Variants in FSTL4 observed in about 807,000 individuals in gnomAD.
The protein encoded by FSTL4 is follistatin-related protein 4.
FSTL4 carries 28 observed loss-of-function variants against 78.2 expected under a neutral mutation model. The ratio of observed to expected loss-of-function variants is 0.36; its 90% confidence interval spans 0.27 to 0.49. The LOEUF is 0.49. FSTL4 is among the 20% of genes least tolerant of loss of function. The pLI is 0.98. For missense variants in FSTL4, 922 were observed against 1,084.9 expected, an observed-to-expected ratio of 0.85 and a Z score of 2.11; for synonymous variants, 422 against 440.5, an observed-to-expected ratio of 0.96 and a Z score of 0.53.
the FSTL4 span, among the ~76,000 whole-genome samples, chr5:133,619,774 C>CT: frequency 3.7e-4 from 57 of 152,206 alleles, no homozygotes; most frequent in African/African-American, 1.4e-3. Flanking sequence ...TCAGCATTGC[C>CT]TAGCCATATG....
the FSTL4 span, among the ~76,000 whole-genome samples, chr5:133,696,857 T>C: frequency 6.6e-6 from 1 of 151,428 alleles, no homozygotes; most frequent in Admixed American, 6.6e-5. Flanking sequence ...AATTATGCTG[T>C]GAAATCATCA....
intron 2 of FSTL4, among the ~76,000 whole-genome samples, chr5:133,586,201 C>A (rs1377563642): frequency 1.1e-5 from 1 of 94,270 alleles, no homozygotes; most frequent in Non-Finnish European, 2.2e-5. Flanking sequence ...AAATTGACAC[C>A]CTAACATCAC....
chr5:133,242,997 C>A (rs1042416712), intron 7 of FSTL4, among the ~76,000 whole-genome samples: 1 of 152,186 alleles, frequency 6.6e-6, no homozygotes, highest in African/African-American at 2.4e-5. Flanking sequence ...GCTCCTAAAT[C>A]ATTTTCTTTT....
chr5:133,202,136 A>C (rs1487784879), intron 14 of FSTL4, 94 bp from the exon 15 acceptor site: 2 of 733,274 alleles, frequency 2.7e-6, no homozygotes, highest in African/African-American at 3.5e-5. Context: ...ACCCCGGCAG[A>C]GGGGTGCTTG....
intron 6 of FSTL4, among the ~76,000 whole-genome samples, chr5:133,272,242 C>T (rs1339133722): frequency 4.6e-5 from 7 of 152,218 alleles, no homozygotes; most frequent in Admixed American, 6.5e-5. Flanking sequence ...ATTAATGACA[C>T]GGCCATTTCT....
chr5:133,506,138 T>C (rs955136983), intron 3 of FSTL4, among the ~76,000 whole-genome samples: 2 of 152,214 alleles, frequency 1.3e-5, no homozygotes, highest in Non-Finnish European at 2.9e-5. Context: ...AAAATGCTGG[T>C]AATTGTTTTG....
intron 8 of FSTL4, among the ~76,000 whole-genome samples, chr5:133,231,974 C>G (rs1288598619): frequency 6.6e-6 from 1 of 152,146 alleles, no homozygotes; most frequent in Non-Finnish European, 1.5e-5. Context: ...GGCACAGTCA[C>G]GAAAGTAGCA....
the FSTL4 span, among the ~76,000 whole-genome samples, chr5:133,800,729 C>T: frequency 6.5e-5 from 6 of 91,850 alleles, 1 homozygote; most frequent in African/African-American, 1.5e-4. Context: ...CCAATTTACT[C>T]GAATGCTTCA....
At chr5:133,618,197 A>T in the FSTL4 span, among the ~76,000 whole-genome samples, 1 of 152,230 alleles carries the variant, frequency 6.6e-6, no homozygotes, top group Admixed American at 6.5e-5. Context: ...ACAATATATT[A>T]TAATAAAAGT....
chr5:133,839,262 A>G, the FSTL4 span, among the ~76,000 whole-genome samples: 1 of 152,174 alleles, frequency 6.6e-6, no homozygotes, highest in African/African-American at 2.4e-5. Flanking sequence ...CTAGAAGCCC[A>G]ATAAAGAAAA....
In FSTL4 at chr5:133,275,245, C is replaced by T. The variant is rs188417172; in HGVS notation, c.728-25669G>A. ...CACCACTGTACTCCAGCCTCGGTGA[C>T]GGAGGGAAACTCTGTTATGAAGTTC... is the stretch of plus-strand genomic sequence containing the variant. On this transcript the variant is annotated intron_variant, in intron 6 of 15. Coordinates refer to ENST00000265342, the MANE Select transcript of FSTL4 (RefSeq NM_015082.2). Among the ~76,000 whole-genome samples the T allele has an allele frequency of 1.1e-4, 17 of 149,364 alleles. No homozygotes were observed. The South Asian group carries it at 2.1e-3, about 19-fold the overall frequency.
chr5:133,696,995 T>C, the FSTL4 span, among the ~76,000 whole-genome samples: 1 of 152,286 alleles, frequency 6.6e-6, no homozygotes, highest in East Asian at 1.9e-4. Flanking sequence ...GACCAGACAA[T>C]GCAGCTACCT....
the FSTL4 span, among the ~76,000 whole-genome samples, chr5:133,656,883 A>G: frequency 2.6e-5 from 4 of 152,190 alleles, no homozygotes; most frequent in South Asian, 4.1e-4. Flanking sequence ...TAGGTGACGG[A>G]TACGTTGACT....
intron 7 of FSTL4, among the ~76,000 whole-genome samples, chr5:133,241,752 T>C (rs1751880086): frequency 1.3e-5 from 2 of 152,164 alleles, no homozygotes; most frequent in African/African-American, 4.8e-5. Flanking sequence ...ACCTGCTGCT[T>C]TCCTTTGGGA....
At chr5:133,796,157 G>T in the FSTL4 span, among the ~76,000 whole-genome samples, 1 of 152,214 alleles carries the variant, frequency 6.6e-6, no homozygotes, top group Non-Finnish European at 1.5e-5. Flanking sequence ...TACTGGAATG[G>T]GAGAGTTCCC....
At chr5:133,602,474 C>T (rs963321387) in intron 2 of FSTL4, among the ~76,000 whole-genome samples, 4 of 152,132 alleles carry the variant, frequency 2.6e-5, no homozygotes, top group Non-Finnish European at 5.9e-5. Context: ...AACAGTGGGC[C>T]GATGAGCCCC....
chr5:133,649,729 A>G, the FSTL4 span, among the ~76,000 whole-genome samples: 1 of 152,014 alleles, frequency 6.6e-6, no homozygotes, highest in African/African-American at 2.4e-5. Context: ...TGAGTTTTTA[A>G]GAGTTCTTTG....
chr5:133,391,187 G>A (rs1755839681), intron 4 of FSTL4, among the ~76,000 whole-genome samples: 1 of 152,192 alleles, frequency 6.6e-6, no homozygotes, highest in Non-Finnish European at 1.5e-5. Flanking sequence ...CAAACTGCTT[G>A]AGCACAGAGA....
the FSTL4 span, among the ~76,000 whole-genome samples, chr5:133,776,293 T>C: frequency 1.3e-5 from 2 of 152,232 alleles, no homozygotes; most frequent in Admixed American, 6.5e-5. Flanking sequence ...AAGCTGCCTT[T>C]ATGCCAAATC....
Sources: gnomAD v4.1 joint callset for allele counts (sites outside exome capture counted in the v4.1 genomes callset) on GRCh38, gnomAD v4.1.1 for gene constraint, MANE v1.5 for transcripts, NCBI Gene and HGNC (gene_info 2026-07-23, HGNC 2026-07-21) for gene names.